Variants in GPR158 observed in about 807,000 individuals in gnomAD.
GPR158 encodes the protein metabotropic glycine receptor.
GPR158 carries 30 observed loss-of-function variants against 78.2 expected under a neutral mutation model. That is an observed-to-expected ratio of 0.38 (90% CI 0.29 to 0.52). GPR158 has a LOEUF of 0.52. Ranked by LOEUF, GPR158 falls within the 20% of genes least tolerant of loss-of-function variation. GPR158 has a pLI of 0.83. For synonymous variants in GPR158, 581 were observed against 591.1 expected (o/e 0.98, Z 0.25); for missense variants, 1,463 against 1,523.5 (o/e 0.96, Z 0.66).
At position 25,601,363 on chromosome 10, in the gene GPR158, C is replaced by T. The variant is rs116313012; in HGVS notation, c.*2089C>T. On this transcript the variant is annotated 3_prime_UTR_variant, in exon 11 of 11. Transcript: ENST00000376351. ...TTTATTTCTTTTATCTCTTCCTTTT[C>T]AATGAAGGCCTATATGCTTGGTGAC... The T allele has an allele frequency of 6.6e-6, 1 of 152,548 alleles. No individual in the cohort carries two copies. Among genetic ancestry groups the T allele is most frequent in the Non-Finnish European group, 1.5e-5 (1 of 68,028 alleles). The allele number at this position is 152,548 out of a possible 1,614,324, so 9.4% of individuals were successfully genotyped here. A position where few individuals can be genotyped will look rare whatever the true frequency, so the allele number is the denominator to read the frequency against.
At chr10:25,389,878 C>A (rs1834270469) in intron 2 of GPR158, among the ~76,000 whole-genome samples, 1 of 152,188 alleles carries the variant, frequency 6.6e-6, no homozygotes, top group Non-Finnish European at 1.5e-5. Context: ...CCACCCAAGT[C>A]TCATCTTGAG....
intron 2 of GPR158, among the ~76,000 whole-genome samples, chr10:25,372,702 C>G (rs1290871357): frequency 1.0e-5 from 1 of 98,758 alleles, no homozygotes; most frequent in Non-Finnish European, 1.8e-5. Context: ...ACTCTGGGGA[C>G]TGTTGTGGGG....
chr10:25,421,373 G>T (rs908807945), intron 4 of GPR158, among the ~76,000 whole-genome samples: 1 of 152,064 alleles, frequency 6.6e-6, no homozygotes, highest in African/African-American at 2.4e-5. Context: ...GTGATTTATG[G>T]GAGGGAAGTA....
At chr10:25,262,464 T>G (rs1484870460) in intron 2 of GPR158, among the ~76,000 whole-genome samples, 1 of 152,202 alleles carries the variant, frequency 6.6e-6, no homozygotes, top group Non-Finnish European at 1.5e-5. Flanking sequence ...AGAAAGGTTT[T>G]ATTTCCAAAT....
chr10:25,478,278 C>T (rs1266714194), intron 5 of GPR158, among the ~76,000 whole-genome samples: 1 of 152,148 alleles, frequency 6.6e-6, no homozygotes, highest in Non-Finnish European at 1.5e-5. Context: ...CTACAGTAAA[C>T]ACCTATTAGA....
chr10:25,480,346 T>C (rs560572914), intron 5 of GPR158, among the ~76,000 whole-genome samples: 5 of 152,318 alleles, frequency 3.3e-5, no homozygotes, highest in African/African-American at 1.2e-4. Context: ...ATACATAACA[T>C]AAAACTTACC....
At chr10:25,294,343 C>A (rs1036319859) in intron 2 of GPR158, among the ~76,000 whole-genome samples, 1 of 151,946 alleles carries the variant, frequency 6.6e-6, no homozygotes, top group African/African-American at 2.4e-5. Flanking sequence ...AAAATCGTGT[C>A]TTAATTTTAA....
intron 1 of GPR158, among the ~76,000 whole-genome samples, chr10:25,212,320 G>A (rs1853142842): frequency 6.6e-6 from 1 of 152,112 alleles, no homozygotes; most frequent in Non-Finnish European, 1.5e-5. Flanking sequence ...TCTTACATGG[G>A]AGGAGCGAAG....
intron 2 of GPR158, among the ~76,000 whole-genome samples, chr10:25,260,765 A>G (rs1331407890): frequency 1.3e-5 from 2 of 152,162 alleles, no homozygotes; most frequent in South Asian, 2.1e-4. Context: ...TAGGTTAGCA[A>G]GAATTGCTGT....
chr10:25,418,174 T>G (rs533604974), intron 4 of GPR158, among the ~76,000 whole-genome samples: 1 of 152,198 alleles, frequency 6.6e-6, no homozygotes, highest in Admixed American at 6.5e-5. Flanking sequence ...TAACATAGTA[T>G]AGATACGTAT....
intron 5 of GPR158, among the ~76,000 whole-genome samples, chr10:25,495,100 A>G (rs1389649548): frequency 1.3e-5 from 2 of 151,806 alleles, no homozygotes; most frequent in African/African-American, 4.8e-5. Flanking sequence ...ATAGATAAGC[A>G]GAGAGGAGGA....
intron 7 of GPR158, among the ~76,000 whole-genome samples, chr10:25,583,835 A>G (rs939579303): frequency 6.6e-6 from 1 of 152,228 alleles, no homozygotes; most frequent in Non-Finnish European, 1.5e-5. Flanking sequence ...TGTTATTAAT[A>G]CAAAACGCCT....
At chr10:25,484,068 G>A (rs1247134127) in intron 5 of GPR158, among the ~76,000 whole-genome samples, 3 of 152,080 alleles carry the variant, frequency 2.0e-5, no homozygotes, top group African/African-American at 7.2e-5. Context: ...TAAAGAGACC[G>A]GAATTCTAAC....
intron 2 of GPR158, among the ~76,000 whole-genome samples, chr10:25,390,916 TG>T (rs1334248126): frequency 6.6e-6 from 1 of 152,124 alleles, no homozygotes; most frequent in African/African-American, 2.4e-5. Flanking sequence ...AATGGTTTCG[TG>T]GGCTGGCTCC....
intron 2 of GPR158, among the ~76,000 whole-genome samples, chr10:25,310,243 G>A (rs1022334438): frequency 6.6e-6 from 1 of 152,112 alleles, no homozygotes; most frequent in African/African-American, 2.4e-5. Flanking sequence ...TCTCTGTTCA[G>A]TTCCATCAAT....
At chr10:25,414,460 C>T (rs1053977336) in intron 4 of GPR158, among the ~76,000 whole-genome samples, 3 of 152,060 alleles carry the variant, frequency 2.0e-5, no homozygotes, top group Non-Finnish European at 2.9e-5. Context: ...TTCGAAGAAT[C>T]AGTTTTTACA....
At chr10:25,438,342 G>A (rs535330751) in intron 4 of GPR158, among the ~76,000 whole-genome samples, 16 of 152,262 alleles carry the variant, frequency 1.1e-4, no homozygotes, top group African/African-American at 3.9e-4. Flanking sequence ...AGGAAGAAGA[G>A]GCAAAAAACT....
chr10:25,324,535 A>G (rs71495424), intron 2 of GPR158, among the ~76,000 whole-genome samples: 2 of 152,244 alleles, frequency 1.3e-5, no homozygotes, highest in Admixed American at 6.5e-5. Context: ...ATCACAGATC[A>G]CCATAACAGA....
At chr10:25,278,488 G>A (rs1020977571) in intron 2 of GPR158, among the ~76,000 whole-genome samples, 110 of 152,004 alleles carry the variant, frequency 7.2e-4, no homozygotes, top group African/African-American at 2.4e-3. Context: ...AATAGAATGA[G>A]GAAGAAGCAA....
Sources: gnomAD v4.1 joint callset for allele counts (sites outside exome capture counted in the v4.1 genomes callset) on GRCh38, gnomAD v4.1.1 for gene constraint, MANE v1.5 for transcripts, NCBI Gene and HGNC (gene_info 2026-07-23, HGNC 2026-07-21) for gene names.